Variants in EGLN1 observed in about 807,000 individuals in gnomAD.
EGLN1 encodes the protein egl-9 family hypoxia inducible factor 1.
A neutral mutation model predicts 38.3 loss-of-function variants in EGLN1; 17 were observed. The observed-to-expected ratio is 0.44, with a 90% CI of 0.30 to 0.67. EGLN1 has a LOEUF of 0.67. EGLN1 is among the 30% of genes least tolerant of loss of function. The probability of loss-of-function intolerance (pLI) is 0.08; values close to 1 mark genes in which losing one functional copy is unlikely to be tolerated. For synonymous variants in EGLN1, 283 were observed against 257.5 expected, an observed-to-expected ratio of 1.10 and a Z score of -0.95; for missense variants, 477 against 603.3, an observed-to-expected ratio of 0.79 and a Z score of 2.19.
At chr1:231,391,583 T>TC (rs1558387509) in intron 1 of EGLN1, among the ~76,000 whole-genome samples, 1 of 151,898 alleles carries the variant, frequency 6.6e-6, no homozygotes, top group Non-Finnish European at 1.5e-5. Context: ...TAACTTTTAT[T>TC]AGTCTAAAAA....
intron 1 of EGLN1, among the ~76,000 whole-genome samples, chr1:231,388,370 C>A (rs1317659766): frequency 6.6e-6 from 1 of 152,126 alleles, no homozygotes; most frequent in African/African-American, 2.4e-5. Context: ...GTGAGCTGGG[C>A]AAACTAACAT....
chr1:231,391,109 T>G (rs1688368959), intron 1 of EGLN1, among the ~76,000 whole-genome samples: 1 of 150,328 alleles, frequency 6.7e-6, no homozygotes, highest in African/African-American at 2.5e-5. Flanking sequence ...TGTGTGTGTG[T>G]GTGTGTGTGT....
In EGLN1 at chr1:231,374,013, A is replaced by G; in HGVS notation, c.978T>C (p.Cys326=). The G allele has an allele frequency of 6.2e-7, 1 of 1,613,654 alleles. No individual in the cohort carries two copies. The part of the protein sequence containing the change: ...NPNGDGRCVT[C]IYYLNKDWDA... The stretch of plus-strand genomic sequence containing the variant: ...CCCAGTCTTTATTAAGATAATATAT[A>G]CATGTCACACATCTTCCATCTCCAT... The change falls in exon 2 of 5, where the codon TGT becomes TGC. Residue 326 remains cysteine (C), a synonymous_variant. Transcript: ENST00000366641.
intron 1 of EGLN1, among the ~76,000 whole-genome samples, chr1:231,404,430 A>G (rs1208698136): frequency 1.3e-5 from 2 of 152,130 alleles, no homozygotes; most frequent in East Asian, 3.9e-4. Flanking sequence ...AAGAAATACT[A>G]AGCAATATCA....
At chr1:231,400,303 G>GTA (rs66855888) in intron 1 of EGLN1, among the ~76,000 whole-genome samples, 5 of 151,612 alleles carry the variant, frequency 3.3e-5, no homozygotes, top group Admixed American at 6.6e-5. Context: ...AAAATAGTAG[G>GTA]TATATATATA....
chr1:231,389,194 T>A (rs1297663356), intron 1 of EGLN1, among the ~76,000 whole-genome samples: 2 of 152,200 alleles, frequency 1.3e-5, no homozygotes, highest in Admixed American at 1.3e-4. Flanking sequence ...TATACAGAAG[T>A]AATAACCAGC....
At chr1:231,377,217 T>C (rs150876459) in intron 1 of EGLN1, among the ~76,000 whole-genome samples, 14 of 152,330 alleles carry the variant, frequency 9.2e-5, no homozygotes, top group African/African-American at 3.4e-4. Flanking sequence ...AGGTAAACAG[T>C]ATCACTGTTC....
rs565436839 is a variant in EGLN1 at position 231,380,757 on chromosome 1, A to G, written c.892-6658T>C. Among the ~76,000 whole-genome samples the G allele has an allele frequency of 1.3e-4, 20 of 152,314 alleles. No individual in the cohort carries two copies. In the South Asian group the frequency reaches 3.5e-3, roughly 27 times the overall value. On this transcript the variant is annotated intron_variant, in intron 1 of 4. Coordinates refer to ENST00000366641, the MANE Select transcript of EGLN1 (RefSeq NM_022051.3). ...CCAGCATAGTAAGTTTTAATCTTTGAAAACAGCTCAATTTGATAGGTAACA... is the reference window on the plus strand; with the variant it reads ...CCAGCATAGTAAGTTTTAATCTTTGGAAACAGCTCAATTTGATAGGTAACA...
At chr1:231,386,188 T>G (rs1337015444) in intron 1 of EGLN1, among the ~76,000 whole-genome samples, 3 of 152,174 alleles carry the variant, frequency 2.0e-5, no homozygotes, top group African/African-American at 7.2e-5. Flanking sequence ...AGTTTTTTTG[T>G]GGCATGATGG....
intron 1 of EGLN1, among the ~76,000 whole-genome samples, chr1:231,405,420 G>A (rs1037646170): frequency 5.3e-5 from 8 of 151,778 alleles, no homozygotes; most frequent in African/African-American, 7.3e-5. Flanking sequence ...CTCGTGATCC[G>A]CCCACCTCAG....
intron 1 of EGLN1, among the ~76,000 whole-genome samples, chr1:231,381,045 T>C (rs982105763): frequency 1.3e-5 from 2 of 152,006 alleles, no homozygotes; most frequent in African/African-American, 4.8e-5. Flanking sequence ...TAGCTGGGAG[T>C]ACAGGTACAC....
chr1:231,404,220 C>T (rs1202745295), intron 1 of EGLN1, among the ~76,000 whole-genome samples: 4 of 152,068 alleles, frequency 2.6e-5, no homozygotes, highest in Admixed American at 1.3e-4. Context: ...CTTTTTACTA[C>T]GAGCACAATT....
At chr1:231,368,395 T>C (rs1015845324) in intron 3 of EGLN1, among the ~76,000 whole-genome samples, 1 of 152,244 alleles carries the variant, frequency 6.6e-6, no homozygotes, top group Non-Finnish European at 1.5e-5. Context: ...ACCTTGACAG[T>C]TAAATTATGC....
chr1:231,383,653 T>C (rs1302363368), intron 1 of EGLN1, among the ~76,000 whole-genome samples: 1 of 152,012 alleles, frequency 6.6e-6, no homozygotes, highest in Non-Finnish European at 1.5e-5. Flanking sequence ...TGAAGTGCAG[T>C]GTGGAGCAAT....
At chr1:231,373,891 G>A in intron 2 of EGLN1, 89 bp downstream of exon 2, 1 of 1,487,046 alleles carries the variant, frequency 6.7e-7, no homozygotes, top group South Asian at 1.2e-5. Context: ...AACTGTGTCT[G>A]TGACAGTCTT....
chr1:231,385,771 A>G (rs1688190267), intron 1 of EGLN1, among the ~76,000 whole-genome samples: 1 of 152,236 alleles, frequency 6.6e-6, no homozygotes, highest in African/African-American at 2.4e-5. Context: ...ATAAAGCAGT[A>G]AGTTGCTAAG....
At chr1:231,367,681 G>T in intron 3 of EGLN1, 45 bp from the exon 4 acceptor site, 1 of 1,565,182 alleles carries the variant, frequency 6.4e-7, no homozygotes, top group Non-Finnish European at 8.8e-7. Flanking sequence ...ACACTGCGGG[G>T]AAAAAGTGGT....
At chr1:231,379,523 C>T (rs1688031419) in intron 1 of EGLN1, among the ~76,000 whole-genome samples, 1 of 152,112 alleles carries the variant, frequency 6.6e-6, no homozygotes, top group African/African-American at 2.4e-5. Context: ...TTATTTATGC[C>T]ATTAGTCCAG....
intron 1 of EGLN1, among the ~76,000 whole-genome samples, chr1:231,416,899 T>C (rs751714925): frequency 4.5e-4 from 68 of 152,332 alleles, no homozygotes; most frequent in Non-Finnish European, 8.2e-4. Context: ...AATTCTGACA[T>C]AGTTATAAAA....
Sources: gnomAD v4.1 joint callset for allele counts (sites outside exome capture counted in the v4.1 genomes callset) on GRCh38, gnomAD v4.1.1 for gene constraint, MANE v1.5 for transcripts, NCBI Gene and HGNC (gene_info 2026-07-23, HGNC 2026-07-21) for gene names.